Variants in IMMP2L observed in about 807,000 individuals in gnomAD.
IMMP2L encodes the protein inner mitochondrial membrane peptidase subunit 2, also known as mitochondrial inner membrane protease subunit 2.
A neutral mutation model predicts 19.3 loss-of-function variants in IMMP2L; 18 were observed. The observed-to-expected ratio is 0.93, with a 90% CI of 0.64 to 1.38. IMMP2L has a LOEUF of 1.38. Ranked by LOEUF, IMMP2L falls within the 40% of genes most tolerant of loss-of-function variation. IMMP2L has a pLI of 0.00. For synonymous variants in IMMP2L, 76 were observed against 73.0 expected (o/e 1.04, Z -0.21); for missense variants, 233 against 218.2 (o/e 1.07, Z -0.43).
chr7:111,268,463 A>C (rs1441113902), intron 3 of IMMP2L, among the ~76,000 whole-genome samples: 1 of 145,628 alleles, frequency 6.9e-6, no homozygotes, highest in Non-Finnish European at 1.5e-5. Context: ...GGTTTCAAAA[A>C]TTTTGTTTTT....
chr7:111,123,335 C>G lies in IMMP2L; in HGVS notation c.240-159770G>C. Reference sequence around the variant, plus strand: ...AACAGTAAGTGGTTTGATGCTCTTCCAAATCTAGAGATTCTGATGATTGGG... The same window carrying G: ...AACAGTAAGTGGTTTGATGCTCTTCGAAATCTAGAGATTCTGATGATTGGG... On this transcript the variant is annotated intron_variant, in intron 3 of 5. Coordinates refer to ENST00000405709, the MANE Select transcript of IMMP2L (RefSeq NM_032549.4). This position sits in a 1 kb window ranked among gnomAD's most constrained non-coding sequence, Gnocchi z 6.4. 6.2e-7 allele frequency: 1 copy of G among 1,613,732 alleles called. No homozygotes were observed. The highest frequency in any genetic ancestry group is 8.5e-7 in the Non-Finnish European group (1 of 1,179,874).
At chr7:111,477,549 A>T (rs1025182799) in intron 3 of IMMP2L, among the ~76,000 whole-genome samples, 6 of 152,010 alleles carry the variant, frequency 3.9e-5, no homozygotes, top group Admixed American at 6.6e-5. Context: ...GTCTTCTATC[A>T]GTTGAAAAGT....
At position 111,123,167 on chromosome 7, in the gene IMMP2L, C is replaced by T; in HGVS notation, c.240-159602G>A. 6.2e-7 allele frequency: 1 copy of T among 1,613,982 alleles called. No individual in the cohort carries two copies. On this transcript the variant is annotated intron_variant, in intron 3 of 5. Transcript: ENST00000405709. This position sits in a 1 kb window ranked among gnomAD's most constrained non-coding sequence, Gnocchi z 6.4. ...GAGGAAAACAAACTTACTGAACTGCCTGAAAAATGTCTGTCCGAACTGAGC... is the reference window on the plus strand; with the variant it reads ...GAGGAAAACAAACTTACTGAACTGCTTGAAAAATGTCTGTCCGAACTGAGC...
intron 3 of IMMP2L, among the ~76,000 whole-genome samples, chr7:110,992,074 T>C (rs1326858387): frequency 2.0e-5 from 3 of 152,166 alleles, no homozygotes; most frequent in Non-Finnish European, 4.4e-5. Context: ...ATGTTTTTCA[T>C]TGCATCAATT....
chr7:110,673,590 C>T (rs1244856214), intron 5 of IMMP2L, among the ~76,000 whole-genome samples: 2 of 152,214 alleles, frequency 1.3e-5, no homozygotes, highest in African/African-American at 4.8e-5. Context: ...TGCTTTGCTG[C>T]TTAGAAATTT....
intron 3 of IMMP2L, among the ~76,000 whole-genome samples, chr7:111,147,235 T>G (rs970004595): frequency 6.6e-6 from 1 of 152,108 alleles, no homozygotes; most frequent in Non-Finnish European, 1.5e-5. Flanking sequence ...TTGCTGTTGT[T>G]GTTGTTGTTT....
At chr7:110,990,939 T>C (rs1257826660) in intron 3 of IMMP2L, among the ~76,000 whole-genome samples, 2 of 152,176 alleles carry the variant, frequency 1.3e-5, no homozygotes, top group East Asian at 1.9e-4. Flanking sequence ...CTTTTATTAA[T>C]AGCACATTTT....
chr7:110,788,179 C>T (rs545706959), intron 5 of IMMP2L, among the ~76,000 whole-genome samples: 1 of 152,034 alleles, frequency 6.6e-6, no homozygotes, highest in African/African-American at 2.4e-5. Flanking sequence ...CTTCCCTTTA[C>T]AGCCAAACTC....
chr7:111,111,806 C>A (rs1009916942), intron 3 of IMMP2L, among the ~76,000 whole-genome samples: 7 of 151,642 alleles, frequency 4.6e-5, no homozygotes, highest in African/African-American at 1.7e-4. Context: ...AGTGACTGAA[C>A]TCCATCCTGG....
chr7:111,068,248 T>A (rs892417667), intron 3 of IMMP2L, among the ~76,000 whole-genome samples: 3 of 152,108 alleles, frequency 2.0e-5, no homozygotes, highest in African/African-American at 7.2e-5. Context: ...ATTTTGTGTA[T>A]CACTAGTAAT....
rs575331004 is a variant in IMMP2L at position 111,050,267 on chromosome 7, A to G, written c.240-86702T>C. On this transcript the variant is annotated intron_variant, in intron 3 of 5. Transcript: ENST00000405709. ...AGCAATACAGTAAAGAATCTTACAG[A>G]TTTTGAAGCCAAATTCACCATATTT... is the stretch of plus-strand genomic sequence containing the variant. 2.6e-5 allele frequency among the ~76,000 whole-genome samples: 4 copies of G among 152,328 alleles called. No individual in the cohort carries two copies. In the East Asian group the frequency reaches 7.7e-4, roughly 29 times the overall value.
rs138366409 is a variant in IMMP2L at position 110,931,914 on chromosome 7, G to A, written c.305+31586C>T. ...AGCACCTTAAGGTCCTGCTTTTCTC[G>A]CTACCTTAAATACAGACCCTATGTT... On this transcript the variant is annotated intron_variant, in intron 4 of 5. Transcript: ENST00000405709. Among the ~76,000 whole-genome samples, 88 of 151,958 alleles carry A rather than the reference G, an allele frequency of 5.8e-4. No individual in the cohort carries two copies. The Middle Eastern group carries it at 0.017, about 29-fold the overall frequency.
intron 3 of IMMP2L, among the ~76,000 whole-genome samples, chr7:111,281,562 C>T (rs1819888628): frequency 6.6e-6 from 1 of 152,148 alleles, no homozygotes; most frequent in South Asian, 2.1e-4. Flanking sequence ...AACAGAGACA[C>T]TTGGGAGGCA....
intron 3 of IMMP2L, among the ~76,000 whole-genome samples, chr7:111,013,013 C>T (rs971066827): frequency 6.6e-6 from 1 of 152,074 alleles, no homozygotes; most frequent in African/African-American, 2.4e-5. Context: ...GCACTAGGTA[C>T]AAGAACTATA....
At chr7:111,011,767 A>G (rs187117296) in intron 3 of IMMP2L, among the ~76,000 whole-genome samples, 15 of 152,282 alleles carry the variant, frequency 9.9e-5, no homozygotes, top group African/African-American at 3.6e-4. Flanking sequence ...TTACTCATTT[A>G]CTTGTGTGAT....
intron 3 of IMMP2L, among the ~76,000 whole-genome samples, chr7:110,975,543 G>A (rs1585540918): frequency 6.6e-6 from 1 of 152,142 alleles, no homozygotes. Flanking sequence ...TTTGGAGAAT[G>A]CATGCAGAAT....
intron 5 of IMMP2L, among the ~76,000 whole-genome samples, chr7:110,861,261 A>T (rs1807400162): frequency 6.6e-6 from 1 of 151,932 alleles, no homozygotes; most frequent in Non-Finnish European, 1.5e-5. Context: ...CATTAATATA[A>T]TGCTTTTTGG....
intron 3 of IMMP2L, among the ~76,000 whole-genome samples, chr7:111,001,135 G>T (rs1823640110): frequency 1.3e-5 from 2 of 152,282 alleles, no homozygotes; most frequent in African/African-American, 4.8e-5. Context: ...TAGAATCCTA[G>T]TGTAAGGACT....
chr7:110,804,460 T>G (rs970137293), intron 5 of IMMP2L, among the ~76,000 whole-genome samples: 4 of 152,008 alleles, frequency 2.6e-5, no homozygotes, highest in African/African-American at 9.7e-5. Context: ...TGGGATTGAC[T>G]AAAACCAATC....
Sources: allele counts gnomAD v4.1 joint callset (sites outside exome capture counted in the v4.1 genomes callset), GRCh38; gene constraint gnomAD v4.1.1; non-coding constraint Gnocchi (gnomAD v3.1); transcripts MANE v1.5; gene names NCBI Gene and HGNC (gene_info 2026-07-23, HGNC 2026-07-21).